The following RAB11FIP4 variants were observed in gnomAD, a reference collection of about 807,000 sequenced individuals.
The protein encoded by RAB11FIP4 is RAB11 family interacting protein 4.
Under a neutral mutation model 74.3 loss-of-function variants are expected in RAB11FIP4, and 23 were observed. The observed-to-expected ratio is 0.31, with a 90% CI of 0.22 to 0.44. RAB11FIP4 has a LOEUF of 0.44. RAB11FIP4 is among the 20% of genes least tolerant of loss of function. RAB11FIP4 has a pLI of 1.00. For synonymous variants in RAB11FIP4, 360 were observed against 359.9 expected (o/e 1.00, Z 0.00); for missense variants, 630 against 863.9 (o/e 0.73, Z 3.39).
intron 1 of RAB11FIP4, among the ~76,000 whole-genome samples, chr17:31,409,175 C>T (rs1451081108): frequency 3.3e-5 from 5 of 152,032 alleles, no homozygotes; most frequent in Non-Finnish European, 5.9e-5. Flanking sequence ...ATCATCCTTT[C>T]CTTATAATTT....
chr17:31,453,808 A>G (rs910462158), intron 3 of RAB11FIP4, among the ~76,000 whole-genome samples: 3 of 151,712 alleles, frequency 2.0e-5, no homozygotes, highest in South Asian at 2.1e-4. Context: ...AAAAAAAAAA[A>G]AAAAAGAAAG....
intron 3 of RAB11FIP4, among the ~76,000 whole-genome samples, chr17:31,466,813 A>C (rs569874135): frequency 6.6e-6 from 1 of 152,338 alleles, no homozygotes; most frequent in South Asian, 2.1e-4. Context: ...AGCTTCCCTT[A>C]GCCCTCAGAG....
chr17:31,404,015 A>T (rs2071020348), intron 1 of RAB11FIP4, among the ~76,000 whole-genome samples: 1 of 152,220 alleles, frequency 6.6e-6, no homozygotes, highest in African/African-American at 2.4e-5. Flanking sequence ...GGAGGCTGCC[A>T]GCGAACTGTG....
At position 31,491,530 on chromosome 17, in the gene RAB11FIP4, C is replaced by T. The variant is rs374431082; in HGVS notation, c.337-26121C>T. On this transcript the variant is annotated intron_variant, in intron 3 of 14. Coordinates refer to ENST00000621161, the MANE Select transcript of RAB11FIP4 (RefSeq NM_032932.6). ...CCTCACTGAGAAGGTGACATCCAAACGAAAGAGGTTCAGGCAGAGAAAAGA... is the reference window on the plus strand; with the variant it reads ...CCTCACTGAGAAGGTGACATCCAAATGAAAGAGGTTCAGGCAGAGAAAAGA... Among the ~76,000 whole-genome samples the T allele has an allele frequency of 3.3e-5, 5 of 152,076 alleles. No homozygotes were observed. The South Asian group carries it at 8.3e-4, about 25-fold the overall frequency.
At position 31,521,130 on chromosome 17, in the gene RAB11FIP4, A is replaced by G. The variant is rs202146962; in HGVS notation, c.564-36A>G. The G allele has an allele frequency of 3.0e-4, 443 of 1,467,684 alleles. No individual in the cohort carries two copies. The African/African-American group carries it at 5.6e-3, about 18-fold the overall frequency. 90.9% of individuals were successfully genotyped at this position (1,467,684 alleles called of 1,614,324 possible). A position where few individuals can be genotyped will look rare whatever the true frequency, so the allele number is the denominator to read the frequency against. On this transcript the variant is annotated intron_variant, in intron 4 of 14. Coordinates refer to ENST00000621161, the MANE Select transcript of RAB11FIP4 (RefSeq NM_032932.6). ...CACGGGCTGTGGCTGGGGACCCATG[A>G]GTCCTCCTCTGACTTGGGTGCTCTC...
At chr17:31,527,772 C>A in intron 10 of RAB11FIP4, 70 bp from the exon 11 acceptor site, 1 of 1,144,476 alleles carries the variant, frequency 8.7e-7, no homozygotes, top group South Asian at 1.4e-5. Flanking sequence ...AGAATCACTG[C>A]AGACTGGCAG....
At chr17:31,464,679 G>A (rs178882) in intron 3 of RAB11FIP4, among the ~76,000 whole-genome samples, 86,369 of 149,088 alleles carry the variant, frequency 0.58, 26,304 homozygotes, top group Non-Finnish European at 0.67. Flanking sequence ...TCAAACTCCC[G>A]ATGTCAGGGG....
chr17:31,401,228 C>T (rs576999721), intron 1 of RAB11FIP4, among the ~76,000 whole-genome samples: 9 of 151,534 alleles, frequency 5.9e-5, no homozygotes, highest in Non-Finnish European at 1.0e-4. Flanking sequence ...GCCAAGATCA[C>T]GCCACTGCAC....
At chr17:31,402,894 G>T (rs1010446598) in intron 1 of RAB11FIP4, among the ~76,000 whole-genome samples, 1 of 152,008 alleles carries the variant, frequency 6.6e-6, no homozygotes, top group African/African-American at 2.4e-5. Context: ...CAAAGTGCTG[G>T]GATTACAGGC....
chr17:31,445,549 TATATATATATATATATATATATATATATA>T (rs1287522374), intron 3 of RAB11FIP4, among the ~76,000 whole-genome samples: 4 of 10,616 alleles, frequency 3.8e-4, no homozygotes, highest in Admixed American at 1.3e-3. Flanking sequence ...TATATATATA[TATATATATATATATATATATATATATATA>T]TTTTTTTTTT....
At position 31,531,754 on chromosome 17, in the gene RAB11FIP4, C is replaced by G; in HGVS notation, c.*22C>G. 2 of 1,537,808 alleles carry G rather than the reference C, an allele frequency of 1.3e-6. No homozygotes were observed. Among genetic ancestry groups the G allele is most frequent in the South Asian group, 2.2e-5 (2 of 89,600 alleles). ...CTAAGGCACGGGGCTGGCTGCAGAG[C>G]AGCCTTAGGACCCTGGGACCAAGGG... is the stretch of plus-strand genomic sequence containing the variant. On this transcript the variant is annotated 3_prime_UTR_variant, in exon 15 of 15. Transcript: ENST00000621161.
intron 3 of RAB11FIP4, among the ~76,000 whole-genome samples, chr17:31,502,564 G>C (rs932460498): frequency 6.6e-6 from 1 of 152,194 alleles, no homozygotes; most frequent in Non-Finnish European, 1.5e-5. Flanking sequence ...GGGTGACAGA[G>C]CAAGACTGTA....
intron 1 of RAB11FIP4, among the ~76,000 whole-genome samples, chr17:31,423,509 G>A (rs956242933): frequency 6.6e-6 from 1 of 152,152 alleles, no homozygotes; most frequent in Non-Finnish European, 1.5e-5. Context: ...TTAGGGTTAC[G>A]AGCATGAGCC....
At chr17:31,520,544 G>A (rs1415174305) in intron 4 of RAB11FIP4, among the ~76,000 whole-genome samples, 2 of 152,018 alleles carry the variant, frequency 1.3e-5, no homozygotes, top group African/African-American at 2.4e-5. Context: ...GTCTCCCTCT[G>A]TCGCCCAGGC....
At chr17:31,427,911 G>C (rs2071269104) in intron 1 of RAB11FIP4, among the ~76,000 whole-genome samples, 1 of 152,296 alleles carries the variant, frequency 6.6e-6, no homozygotes, top group African/African-American at 2.4e-5. Context: ...GGCATGGCTG[G>C]GGGGAGGGGG....
At chr17:31,519,443 C>T (rs1309145978) in intron 4 of RAB11FIP4, among the ~76,000 whole-genome samples, 1 of 152,194 alleles carries the variant, frequency 6.6e-6, no homozygotes, top group African/African-American at 2.4e-5. Flanking sequence ...AGCAGTTTCA[C>T]CTTTAACTTT....
chr17:31,467,544 G>A (rs939174942), intron 3 of RAB11FIP4, among the ~76,000 whole-genome samples: 5 of 152,044 alleles, frequency 3.3e-5, no homozygotes, highest in African/African-American at 1.2e-4. Flanking sequence ...GCTAAGTTTG[G>A]CCCAGGGACA....
chr17:31,505,510 A>G (rs1477269529), intron 3 of RAB11FIP4, among the ~76,000 whole-genome samples: 1 of 61,554 alleles, frequency 1.6e-5, no homozygotes, highest in African/African-American at 6.1e-5. Flanking sequence ...TATATTATAT[A>G]TAATAATTAT....
At chr17:31,493,964 C>A (rs529229515) in intron 3 of RAB11FIP4, among the ~76,000 whole-genome samples, 9 of 152,044 alleles carry the variant, frequency 5.9e-5, no homozygotes, top group African/African-American at 2.2e-4. Context: ...GATGGGGCAT[C>A]CTGTTCATCC....
Sources: gnomAD v4.1 joint callset for allele counts (sites outside exome capture counted in the v4.1 genomes callset) on GRCh38, gnomAD v4.1.1 for gene constraint, MANE v1.5 for transcripts, NCBI Gene and HGNC (gene_info 2026-07-23, HGNC 2026-07-21) for gene names.